The following GSPT1 variants were observed in gnomAD, a reference collection of about 807,000 sequenced individuals.
The protein encoded by GSPT1 is eukaryotic peptide chain release factor GTP-binding subunit ERF3A.
In GSPT1, 20 loss-of-function variants were observed where a neutral mutation model predicts 72.5. The observed-to-expected ratio is 0.28, with a 90% CI of 0.19 to 0.40. The LOEUF is 0.40. Among genes scored for constraint, GSPT1 ranks in the 10% least tolerant of loss-of-function variants. The pLI is 1.00. For synonymous variants in GSPT1, 334 were observed against 293.5 expected (o/e 1.14, Z -1.41); for missense variants, 580 against 811.9 (o/e 0.71, Z 3.47).
In GSPT1 at chr16:11,870,025, A is replaced by G. The variant is rs947791490; in HGVS notation, c.*3094T>C. ...CTTGTAGTTTATGTAACCAGCAAAT[A>G]TGAGTTACCTCGTTACAGTGAACAA... is the stretch of plus-strand genomic sequence containing the variant. On this transcript the variant is annotated 3_prime_UTR_variant, in exon 15 of 15. Transcript: ENST00000434724. 6.6e-6 allele frequency: 1 copy of G among 152,206 alleles called. No individual in the cohort carries two copies. Among genetic ancestry groups the G allele is most frequent in the South Asian group, 2.1e-4 (1 of 4,834 alleles). 9.4% of individuals were successfully genotyped at this position (152,206 alleles called of 1,614,324 possible). A position where few individuals can be genotyped will look rare whatever the true frequency, so the allele number is the denominator to read the frequency against.
At chr16:11,915,272 CGACCGGGCCCCAGGGCCGCGCGCCCCCG>C (rs1267941181) in intron 1 of GSPT1, 69 bp downstream of exon 1, 9 of 1,210,188 alleles carry the variant, frequency 7.4e-6, no homozygotes, top group Non-Finnish European at 9.3e-6. Context: ...CCCCACGTGC[CGACCGGGCCCCAGGGCCGCGCGCCCCCG>C]GACCGCACCC....
intron 5 of GSPT1, among the ~76,000 whole-genome samples, chr16:11,893,561 G>C (rs568784731): frequency 3.9e-5 from 6 of 152,092 alleles, no homozygotes; most frequent in Non-Finnish European, 7.4e-5. Flanking sequence ...AAAATAGTTC[G>C]TTAGTAATGC....
chr16:11,903,403 G>A (rs903704328), intron 1 of GSPT1, among the ~76,000 whole-genome samples: 3 of 152,160 alleles, frequency 2.0e-5, no homozygotes, highest in Non-Finnish European at 4.4e-5. Context: ...CAGATACTCA[G>A]GAGGCTGAGC....
chr16:11,887,814 C>T (rs2054202579), intron 6 of GSPT1, 64 bp from the exon 7 acceptor site: 2 of 1,106,984 alleles, frequency 1.8e-6, no homozygotes, highest in Non-Finnish European at 2.7e-6. Context: ...GGATATTCTT[C>T]ACCATTAAAG....
intron 6 of GSPT1, among the ~76,000 whole-genome samples, chr16:11,889,181 G>A (rs1287135733): frequency 4.0e-5 from 6 of 151,736 alleles, no homozygotes; most frequent in Non-Finnish European, 8.8e-5. Flanking sequence ...GGTGGCGGGT[G>A]CCTGTAGTCC....
At chr16:11,907,694 C>T (rs1048566235) in intron 1 of GSPT1, among the ~76,000 whole-genome samples, 1 of 152,174 alleles carries the variant, frequency 6.6e-6, no homozygotes, top group African/African-American at 2.4e-5. Flanking sequence ...TCAATGGTGT[C>T]ATTAACTCTG....
At chr16:11,896,847 C>A in intron 3 of GSPT1, 62 bp from the exon 4 acceptor site, 1 of 1,070,956 alleles carries the variant, frequency 9.3e-7, no homozygotes, top group Non-Finnish European at 1.4e-6. Flanking sequence ...CTTTAAAATA[C>A]ACTAGCTTTA....
chr16:11,878,422 T>G (rs2054074707), intron 11 of GSPT1, among the ~76,000 whole-genome samples: 1 of 152,098 alleles, frequency 6.6e-6, no homozygotes, highest in African/African-American at 2.4e-5. Context: ...CGGCCTAAAC[T>G]CTTTGTTTCT....
chr16:11,895,073 A>G lies in GSPT1; in HGVS notation c.665-86T>C, dbSNP rs1465943086. 20 of 780,780 alleles carry G rather than the reference A, an allele frequency of 2.6e-5. No individual in the cohort carries two copies. The Admixed American group carries it at 4.1e-4, about 16-fold the overall frequency. The allele number at this position is 780,780 out of a possible 1,614,324, so 48.4% of individuals were successfully genotyped here. A position where few individuals can be genotyped will look rare whatever the true frequency, so the allele number is the denominator to read the frequency against. ...CAAACAACAGCACCCTTTAACATAC[A>G]TAATTAAATCTTCCATATGAATTTG... On this transcript the variant is annotated intron_variant, in intron 4 of 14. Coordinates refer to ENST00000434724, the MANE Select transcript of GSPT1 (RefSeq NM_002094.4).
chr16:11,906,564 G>A (rs1021525017), intron 1 of GSPT1, among the ~76,000 whole-genome samples: 1 of 152,176 alleles, frequency 6.6e-6, no homozygotes, highest in African/African-American at 2.4e-5. Context: ...AGCCCAGGAG[G>A]TTGAGGCCAC....
chr16:11,889,326 CTTCT>C (rs2054225029), intron 6 of GSPT1, among the ~76,000 whole-genome samples: 1 of 95,754 alleles, frequency 1.0e-5, no homozygotes, highest in Non-Finnish European at 2.0e-5. Context: ...CACCCCTCTT[CTTCT>C]TTTTTTTTTT....
At chr16:11,896,836 A>G in intron 3 of GSPT1, 51 bp from the exon 4 acceptor site, 1 of 1,135,126 alleles carries the variant, frequency 8.8e-7, no homozygotes, top group Non-Finnish European at 1.3e-6. Flanking sequence ...TACAATCTAT[A>G]CTTTAAAATA....
chr16:11,877,041 T>C lies in GSPT1; in HGVS notation c.1602+366A>G, dbSNP rs2054057326. ...TTAGATTGTTAATAACAGGGAAACCTGTGTGATTTCTTGTCTGGAAAGCTA... is the reference window on the plus strand; with the variant it reads ...TTAGATTGTTAATAACAGGGAAACCCGTGTGATTTCTTGTCTGGAAAGCTA... On this transcript the variant is annotated intron_variant, in intron 12 of 14. Coordinates refer to ENST00000434724, the MANE Select transcript of GSPT1 (RefSeq NM_002094.4). The surrounding 1 kb of genome is among the most constrained non-coding windows in gnomAD (Gnocchi z 4.0). 1.3e-5 allele frequency among the ~76,000 whole-genome samples: 2 copies of C among 152,250 alleles called. No homozygotes were observed. Among genetic ancestry groups the C allele is most frequent in the Non-Finnish European group, 2.9e-5 (2 of 68,048 alleles).
chr16:11,896,307 T>C (rs927903085), intron 4 of GSPT1, among the ~76,000 whole-genome samples: 1 of 152,234 alleles, frequency 6.6e-6, no homozygotes, highest in African/African-American at 2.4e-5. Flanking sequence ...GTCAATAGAC[T>C]AATTATATGT....
chr16:11,875,481 T>C (rs2054037136), intron 14 of GSPT1, among the ~76,000 whole-genome samples: 1 of 152,126 alleles, frequency 6.6e-6, no homozygotes, highest in South Asian at 2.1e-4. Flanking sequence ...GATTACATCA[T>C]AGAAATATCT....
At chr16:11,890,853 C>T (rs1323147952) in intron 6 of GSPT1, 3 of 365,738 alleles carry the variant, frequency 8.2e-6, no homozygotes, top group Non-Finnish European at 1.5e-5. Flanking sequence ...AGTCTATCAC[C>T]AGATATATGG....
intron 14 of GSPT1, 89 bp downstream of exon 14, chr16:11,875,672 G>C (rs985373939): frequency 3.4e-6 from 3 of 870,252 alleles, no homozygotes; most frequent in East Asian, 2.5e-5. Flanking sequence ...CTGTGAACCT[G>C]TTGCAATGTG....
chr16:11,899,281 G>T (rs1026851785), intron 1 of GSPT1, among the ~76,000 whole-genome samples: 1 of 152,150 alleles, frequency 6.6e-6, no homozygotes, highest in Non-Finnish European at 1.5e-5. Flanking sequence ...CAAATGTTGA[G>T]TAAAGTAATT....
intron 1 of GSPT1, among the ~76,000 whole-genome samples, chr16:11,909,261 C>T (rs2054528017): frequency 6.6e-6 from 1 of 152,112 alleles, no homozygotes; most frequent in Non-Finnish European, 1.5e-5. Flanking sequence ...ACTGTAACAA[C>T]TAGGTTTCCT....
Sources: allele counts gnomAD v4.1 joint callset (sites outside exome capture counted in the v4.1 genomes callset), GRCh38; gene constraint gnomAD v4.1.1; non-coding constraint Gnocchi (gnomAD v3.1); transcripts MANE v1.5; gene names NCBI Gene and HGNC (gene_info 2026-07-23, HGNC 2026-07-21).